The following HLF variants were observed in gnomAD, a reference collection of about 807,000 sequenced individuals.
HLF encodes the protein hepatic leukemia factor.
Under a neutral mutation model 22.6 loss-of-function variants are expected in HLF, and 3 were observed. The observed-to-expected ratio is 0.13, with a 90% CI of 0.06 to 0.34. The LOEUF (loss-of-function observed/expected upper bound fraction) is 0.34. Ranked by LOEUF, HLF falls within the 10% of genes least tolerant of loss-of-function variation. HLF has a pLI of 1.00. For missense variants in HLF, 299 were observed against 389.2 expected, an observed-to-expected ratio of 0.77 and a Z score of 1.95; for synonymous variants, 151 against 151.8, an observed-to-expected ratio of 0.99 and a Z score of 0.04.
intron 2 of HLF, among the ~76,000 whole-genome samples, chr17:55,313,597 T>C (rs2145368612): frequency 1.3e-5 from 2 of 152,114 alleles, no homozygotes; most frequent in East Asian, 3.9e-4. Flanking sequence ...GGTAGCTTTG[T>C]TATTAAGTTC....
Position 55,265,432 on chromosome 17 carries a change from G to T in HLF, c.-53G>T. On this transcript the variant is annotated 5_prime_UTR_variant, in exon 1 of 4. Coordinates refer to ENST00000226067, the MANE Select transcript of HLF (RefSeq NM_002126.5). ...AAGCTCAGCAACATTTTAGGGGGCG[G>T]TTGTTTCTTTCTTATTTCTTTTTTT... 1.6e-6 allele frequency: 1 copy of T among 616,038 alleles called. No homozygotes were observed. 38.2% of individuals were successfully genotyped at this position (616,038 alleles called of 1,614,324 possible).
At chr17:55,275,392 T>C (rs1383912860) in intron 2 of HLF, among the ~76,000 whole-genome samples, 1 of 152,232 alleles carries the variant, frequency 6.6e-6, no homozygotes, top group Non-Finnish European at 1.5e-5. Context: ...CACTGTGCCC[T>C]GCCCAAAGAA....
In HLF at chr17:55,269,721, A is replaced by G. The variant is rs191244108; in HGVS notation, c.451+1635A>G. Among the ~76,000 whole-genome samples, 22 of 151,882 alleles carry G rather than the reference A, an allele frequency of 1.4e-4. No homozygotes were observed. In the East Asian group the frequency reaches 4.2e-3, roughly 29 times the overall value. On this transcript the variant is annotated intron_variant, in intron 2 of 3. Coordinates refer to ENST00000226067, the MANE Select transcript of HLF (RefSeq NM_002126.5). ...TCTTCTATTTGTGGAAGCAATTGTG[A>G]TCATTGTTGTATGTGTCAACTTTTA...
chr17:55,291,737 C>G (rs1252505396), intron 2 of HLF, among the ~76,000 whole-genome samples: 2 of 152,192 alleles, frequency 1.3e-5, no homozygotes, highest in Admixed American at 6.5e-5. Flanking sequence ...ATAGTGATTC[C>G]TTTGATAGAT....
chr17:55,313,970 C>T (rs1416428323), intron 2 of HLF, among the ~76,000 whole-genome samples: 3 of 152,174 alleles, frequency 2.0e-5, no homozygotes, highest in South Asian at 4.1e-4. Flanking sequence ...CTTCATGCTT[C>T]GACCTGGGGT....
At chr17:55,294,263 A>G (rs948068775) in intron 2 of HLF, among the ~76,000 whole-genome samples, 2 of 152,212 alleles carry the variant, frequency 1.3e-5, no homozygotes, top group African/African-American at 4.8e-5. Context: ...GGAGACGCAT[A>G]TGGTCAAGAG....
At chr17:55,305,166 TCTC>T (rs1456265189) in intron 2 of HLF, among the ~76,000 whole-genome samples, 1 of 152,182 alleles carries the variant, frequency 6.6e-6, no homozygotes, top group South Asian at 2.1e-4. Context: ...TCCTTACCCT[TCTC>T]CTAGTGAGCC....
chr17:55,300,716 C>T (rs528460982), intron 2 of HLF, among the ~76,000 whole-genome samples: 1 of 152,306 alleles, frequency 6.6e-6, no homozygotes, highest in South Asian at 2.1e-4. Context: ...CTCTTGAATC[C>T]ACCTAGTCCT....
chr17:55,275,850 C>T (rs181903997), intron 2 of HLF, among the ~76,000 whole-genome samples: 3 of 152,284 alleles, frequency 2.0e-5, no homozygotes, highest in African/African-American at 7.2e-5. Context: ...TAGAAAACAA[C>T]AGAGGACTTT....
In HLF at chr17:55,267,882, T is replaced by C; in HGVS notation, c.247T>C (p.Leu83=). The C allele has an allele frequency of 1.2e-6, 2 of 1,614,080 alleles. No homozygotes were observed. Among genetic ancestry groups the C allele is most frequent in the Non-Finnish European group, 1.7e-6 (2 of 1,179,988 alleles). The part of the protein sequence containing the change: ...TLPYDGDTFQ[L]EYMDLEEFLS... ...TCCCTATGACGGAGATACTTTCCAGTTGGAATACATGGACCTGGAGGAGTT... is the reference window on the plus strand; with the variant it reads ...TCCCTATGACGGAGATACTTTCCAGCTGGAATACATGGACCTGGAGGAGTT... Residue 83 remains leucine, a synonymous_variant, in exon 2 of 4, where the codon TTG becomes CTG. Transcript: ENST00000226067.
In HLF at chr17:55,265,212, G is replaced by A. The variant is rs2080776189; in HGVS notation, c.-273G>A. On this transcript the variant is annotated 5_prime_UTR_variant, in exon 1 of 4. Transcript: ENST00000226067. ...GCAAAACGAGGGGTTCGAGGCAGGT[G>A]AGAGCATCCTGCACGTCGCCGGGGA... 1 of 341,268 alleles carries A rather than the reference G, an allele frequency of 2.9e-6. No individual in the cohort carries two copies. The highest frequency in any genetic ancestry group is 2.1e-5 in the African/African-American group (1 of 47,262). The allele number at this position is 341,268 out of a possible 1,614,324, so 21.1% of individuals were successfully genotyped here.
intron 2 of HLF, among the ~76,000 whole-genome samples, chr17:55,300,813 C>T (rs780751554): frequency 2.0e-5 from 3 of 152,188 alleles, no homozygotes; most frequent in Non-Finnish European, 2.9e-5. Flanking sequence ...CTTTCTGAAA[C>T]GAGTCATCTG....
chr17:55,280,521 G>A (rs952242883), intron 2 of HLF, among the ~76,000 whole-genome samples: 40 of 152,204 alleles, frequency 2.6e-4, no homozygotes, highest in Non-Finnish European at 3.2e-4. Flanking sequence ...GGGTAAGGGT[G>A]AAAGGGAATT....
At chr17:55,294,784 G>A (rs2081096915) in intron 2 of HLF, among the ~76,000 whole-genome samples, 2 of 152,122 alleles carry the variant, frequency 1.3e-5, no homozygotes, top group Admixed American at 6.6e-5. Context: ...ACAAGAACAA[G>A]AAAGAGGATG....
rs1229891558 is a variant in HLF at position 55,268,069 on chromosome 17, A to C, written c.434A>C (p.Gln145Pro). ...GGCATCCCATCTCCGAACTGTATGCAGAGCCCCATCAGACCAGGTAAGTGC... is the reference window on the plus strand; with the variant it reads ...GGCATCCCATCTCCGAACTGTATGCCGAGCCCCATCAGACCAGGTAAGTGC... ...HPGIPSPNCM[Q>P]SPIRPGQLLP... Residue 145 changes from glutamine to proline, a missense_variant, in exon 2 of 4, where the codon CAG becomes CCG. Coordinates refer to ENST00000226067, the MANE Select transcript of HLF (RefSeq NM_002126.5). The C allele has an allele frequency of 5.7e-6, 9 of 1,571,058 alleles. No individual in the cohort carries two copies. Among genetic ancestry groups the C allele is most frequent in the Non-Finnish European group, 6.0e-6 (7 of 1,159,382 alleles).
intron 2 of HLF, among the ~76,000 whole-genome samples, chr17:55,309,821 T>C (rs1904748962): frequency 6.6e-6 from 1 of 152,188 alleles, no homozygotes; most frequent in Non-Finnish European, 1.5e-5. Flanking sequence ...TCAGAAAGAT[T>C]GGAGGTGTTG....
At chr17:55,295,820 A>T (rs2081107033) in intron 2 of HLF, among the ~76,000 whole-genome samples, 1 of 152,198 alleles carries the variant, frequency 6.6e-6, no homozygotes, top group South Asian at 2.1e-4. Flanking sequence ...AGATGAGTAA[A>T]TCAGAGAAAA....
intron 2 of HLF, among the ~76,000 whole-genome samples, chr17:55,294,610 A>G (rs1418024510): frequency 6.6e-6 from 1 of 152,214 alleles, no homozygotes; most frequent in Non-Finnish European, 1.5e-5. Context: ...GAATGCAAAA[A>G]TAGATCTCCA....
intron 2 of HLF, among the ~76,000 whole-genome samples, chr17:55,293,882 G>A (rs1049474508): frequency 2.6e-5 from 4 of 152,202 alleles, no homozygotes; most frequent in Non-Finnish European, 5.9e-5. Context: ...CCTAGATGTG[G>A]AGGGAGTGAG....
Sources: allele counts gnomAD v4.1 joint callset (sites outside exome capture counted in the v4.1 genomes callset), GRCh38; gene constraint gnomAD v4.1.1; transcripts MANE v1.5; gene names NCBI Gene and HGNC (gene_info 2026-07-23, HGNC 2026-07-21).